CPNE7: variants seen among roughly 807,000 people sequenced by gnomAD.
CPNE7 encodes copine 7, also known as copine-7.
In CPNE7, 78 loss-of-function variants were observed where a neutral mutation model predicts 66.5. That is an observed-to-expected ratio of 1.17 (90% CI 0.98 to 1.42). The LOEUF (loss-of-function observed/expected upper bound fraction) is 1.42, where lower values mean the gene tolerates loss of function less well. Among genes scored for constraint, CPNE7 ranks in the 40% most tolerant of loss-of-function variants. The pLI is 0.00. For missense variants in CPNE7, 1,012 were observed against 776.6 expected (o/e 1.30, Z -3.60); for synonymous variants, 468 against 336.7 (o/e 1.39, Z -4.27).
At chr16:89,593,294 C>T (rs58008914) in intron 13 of CPNE7, among the ~76,000 whole-genome samples, 4,322 of 152,006 alleles carry the variant, frequency 0.028, 212 homozygotes, top group African/African-American at 0.099. Flanking sequence ...AAACTTGGCA[C>T]TGCACACACA....
chr16:89,594,160 T>C (rs1241080667), intron 13 of CPNE7: 1 of 122,360 alleles, frequency 8.2e-6, no homozygotes, highest in African/African-American at 3.1e-5. Flanking sequence ...GGCCCCACGG[T>C]GGGTTTTGGT....
intron 13 of CPNE7, among the ~76,000 whole-genome samples, chr16:89,592,527 C>G (rs1272456623): frequency 1.3e-5 from 2 of 149,416 alleles, no homozygotes; most frequent in East Asian, 3.9e-4. Context: ...ACTGCAAGCT[C>G]CACCCTCCGA....
chr16:89,588,724 C>T lies in CPNE7; in HGVS notation c.977C>T (p.Ser326Phe), dbSNP rs1405865578. Residue 326 changes from serine (S) to phenylalanine (F), a missense_variant, in exon 10 of 15, where the codon TCC (serine) becomes TTC (phenylalanine). Physicochemically the swap from Ser to Phe is radical, Grantham distance 155. Coordinates refer to ENST00000319518, the MANE Select transcript of CPNE7 (RefSeq NM_153636.3). The stretch of plus-strand genomic sequence containing the variant: ...AATGGAGACCCGCGGAACAGCTGCT[C>T]CCTGCACTACATCAACCCCTACCAG... ...ASNGDPRNSC[S>F]LHYINPYQPN... 5.0e-6 allele frequency: 8 copies of T among 1,613,610 alleles called. No individual in the cohort carries two copies. The highest frequency in any genetic ancestry group is 1.1e-5 in the South Asian group (1 of 91,090).
Position 89,596,539 on chromosome 16 carries a change from T to C in CPNE7, c.1595T>C (p.Val532Ala). ...CTGGCCGAGGTCCCGAAGCAGGTGG[T>C]GGAGTACTACAGCCACAGAGGCCTG... ...CVLAEVPKQV[V>A]EYYSHRGLPP... Residue 532 changes from valine (V) to alanine (A), a missense_variant, in exon 15 of 15, where the codon GTG becomes GCG. By Grantham distance (64) the Val-to-Ala change is moderately conservative. Coordinates refer to ENST00000319518, the MANE Select transcript of CPNE7 (RefSeq NM_153636.3). 1 of 1,609,932 alleles carries C rather than the reference T, an allele frequency of 6.2e-7. No homozygotes were observed. Among genetic ancestry groups the C allele is most frequent in the Non-Finnish European group, 8.5e-7 (1 of 1,179,808 alleles).
In CPNE7 at chr16:89,596,394, A is replaced by AG; in HGVS notation, c.1540-88dup. 3 of 1,499,240 alleles carry AG rather than the reference A, an allele frequency of 2.0e-6. No individual in the cohort carries two copies. In the African/African-American group the frequency reaches 4.2e-5, roughly 21 times the overall value. The allele number at this position is 1,499,240 out of a possible 1,614,324, so 92.9% of individuals were successfully genotyped here. A position where few individuals can be genotyped will look rare whatever the true frequency, so the allele number is the denominator to read the frequency against. ...GTGGGTAGTCACCACTCGGCTCTGG[A>AG]GGATGAGGCCTGGGCCATAATCCAG... On this transcript the variant is annotated intron_variant, in intron 14 of 14. Transcript: ENST00000319518.
At chr16:89,589,818 G>T in intron 10 of CPNE7, 79 bp from the exon 11 acceptor site, 5 of 1,524,116 alleles carry the variant, frequency 3.3e-6, no homozygotes, top group Non-Finnish European at 4.5e-6. Flanking sequence ...TTGGGCGCCA[G>T]TCATGTCTCC....
At position 89,579,817 on chromosome 16, in the gene CPNE7, C is replaced by T. The variant is rs1252618403; in HGVS notation, c.357+2096C>T. 6.6e-4 allele frequency among the ~76,000 whole-genome samples: 45 copies of T among 68,360 alleles called. 1 individual carries two copies. The highest frequency in any genetic ancestry group is 8.4e-4 in the Non-Finnish European group (22 of 26,304). 44.8% of individuals were successfully genotyped at this position (68,360 alleles called of 152,430 possible). A position where few individuals can be genotyped will look rare whatever the true frequency, so the allele number is the denominator to read the frequency against. On this transcript the variant is annotated intron_variant, in intron 2 of 14. Transcript: ENST00000319518. The stretch of plus-strand genomic sequence containing the variant: ...GACACGGAACATCTCACCCGTCACA[C>T]GGAACATCCCACACCCATCACACGG...
intron 1 of CPNE7, among the ~76,000 whole-genome samples, chr16:89,577,254 G>A (rs772967288): frequency 5.9e-5 from 9 of 152,164 alleles, no homozygotes; most frequent in Non-Finnish European, 8.8e-5. Context: ...AGCCCAGGGT[G>A]TGAATCTGAT....
At chr16:89,582,881 C>T (rs371842453) in intron 2 of CPNE7, among the ~76,000 whole-genome samples, 4 of 152,252 alleles carry the variant, frequency 2.6e-5, no homozygotes, top group African/African-American at 4.8e-5. Context: ...AGATCACTTA[C>T]GTGTGAGGAG....
intron 2 of CPNE7, among the ~76,000 whole-genome samples, chr16:89,579,487 C>A (rs74037226): frequency 2.0e-5 from 3 of 151,286 alleles, no homozygotes; most frequent in African/African-American, 7.3e-5. Context: ...AACATCCGAT[C>A]ACCCGTCACA....
At position 89,588,769 on chromosome 16, in the gene CPNE7, C is replaced by T. The variant is rs1341425747; in HGVS notation, c.1022C>T (p.Ala341Val). The change falls in exon 10 of 15, where the codon GCA becomes GTA. Residue 341 changes from alanine to valine, a missense_variant. By Grantham distance (64) the Ala-to-Val change is moderately conservative. Coordinates refer to ENST00000319518, the MANE Select transcript of CPNE7 (RefSeq NM_153636.3). ...TACCAGCCGAACGAGTACCTGAAGGCACTGGTGTCCGTGGGCGAGATCTGC... is the reference window on the plus strand; with the variant it reads ...TACCAGCCGAACGAGTACCTGAAGGTACTGGTGTCCGTGGGCGAGATCTGC... ...NPYQPNEYLK[A>V]LVSVGEICQD... The T allele has an allele frequency of 2.5e-6, 4 of 1,613,750 alleles. No individual in the cohort carries two copies. The highest frequency in any genetic ancestry group is 3.4e-6 in the Non-Finnish European group (4 of 1,179,960).
chr16:89,587,591 TTGAG>T (rs140664874), intron 9 of CPNE7: 209,069 of 451,996 alleles, frequency 0.46, 54,477 homozygotes, highest in Middle Eastern at 0.62. Flanking sequence ...GAGTGAGCGT[TTGAG>T]TGAACCAGCC....
chr16:89,588,447 G>A (rs1322014846), intron 9 of CPNE7, among the ~76,000 whole-genome samples: 5 of 152,262 alleles, frequency 3.3e-5, no homozygotes, highest in African/African-American at 1.2e-4. Context: ...TCCTGGTGGG[G>A]TGTCCTCCCG....
In CPNE7 at chr16:89,585,558, G is replaced by A. The variant is rs1170242047; in HGVS notation, c.681+5G>A. ...GAGGAGACAAGGCCTCTAAAGGTGG[G>A]GGACGGGATGGACCAAGGGGGCAGT... is the stretch of plus-strand genomic sequence containing the variant. On this transcript the variant is annotated splice_donor_5th_base_variant and intron_variant, in intron 6 of 14. Transcript: ENST00000319518. 6.2e-7 allele frequency: 1 copy of A among 1,608,856 alleles called. No homozygotes were observed. The highest frequency in any genetic ancestry group is 1.7e-4 in the Middle Eastern group (1 of 6,048).
At position 89,596,743 on chromosome 16, in the gene CPNE7, C is replaced by A; in HGVS notation, c.*122C>A. 1 of 1,206,254 alleles carries A rather than the reference C, an allele frequency of 8.3e-7. No homozygotes were observed. Among genetic ancestry groups the A allele is most frequent in the Non-Finnish European group, 1.1e-6 (1 of 923,842 alleles). The allele number at this position is 1,206,254 out of a possible 1,614,324, so 74.7% of individuals were successfully genotyped here. A position where few individuals can be genotyped will look rare whatever the true frequency, so the allele number is the denominator to read the frequency against. On this transcript the variant is annotated 3_prime_UTR_variant, in exon 15 of 15. Transcript: ENST00000319518. ...CAGAAGCCTCCAGTCCCCACCAGGC[C>A]CCACTCCCAGTCCTCCTGGGATCCT...
intron 13 of CPNE7, among the ~76,000 whole-genome samples, chr16:89,594,927 C>G (rs1158229056): frequency 6.6e-6 from 1 of 152,060 alleles, no homozygotes; most frequent in East Asian, 1.9e-4. Flanking sequence ...GCTGAGATTA[C>G]AGGCGTGAAC....
Position 89,587,116 on chromosome 16 carries a change from C to CCCGCCCCATGCCGCCCCATG in CPNE7, c.927+31_927+32insATGCCGCCCCATGCCGCCCC, listed in dbSNP as rs139314142. ...ATCCACTTCACCGTGAGTCCATGGC[C>CCCGCCCCATGCCGCCCCATG]CCGCCCCATGCCGCCCCCTCAGTCC... On this transcript the variant is annotated intron_variant, in intron 9 of 14. Transcript: ENST00000319518. 1.0e-5 allele frequency: 14 copies of CCCGCCCCATGCCGCCCCATG among 1,382,328 alleles called. No homozygotes were observed. The highest frequency in any genetic ancestry group is 1.4e-5 in the Non-Finnish European group (14 of 1,031,514). 85.6% of individuals were successfully genotyped at this position (1,382,328 alleles called of 1,614,324 possible).
chr16:89,596,429 C>T (rs12447806), intron 14 of CPNE7, 55 bp from the exon 15 acceptor site: 147,470 of 1,554,874 alleles, frequency 0.095, 9,652 homozygotes, highest in Admixed American at 0.31. Context: ...GTTGCAGGGA[C>T]GGATGATCTC....
intron 2 of CPNE7, among the ~76,000 whole-genome samples, chr16:89,579,693 CTG>C (rs1375070870): frequency 4.1e-5 from 6 of 145,392 alleles, no homozygotes; most frequent in African/African-American, 1.7e-4. Context: ...ATCCCGTCAT[CTG>C]CTCACATGGA....
Sources: gnomAD v4.1 joint callset for allele counts (sites outside exome capture counted in the v4.1 genomes callset) on GRCh38, gnomAD v4.1.1 for gene constraint, MANE v1.5 for transcripts, NCBI Gene and HGNC (gene_info 2026-07-23, HGNC 2026-07-21) for gene names.